Variants in DSCAM observed in about 807,000 individuals in gnomAD.
DSCAM encodes the protein cell adhesion molecule DSCAM.
A neutral mutation model predicts 217.7 loss-of-function variants in DSCAM; 47 were observed. The observed-to-expected ratio is 0.22, with a 90% CI of 0.17 to 0.28. The LOEUF is 0.28. Among genes scored for constraint, DSCAM ranks in the 10% least tolerant of loss-of-function variants. The probability of loss-of-function intolerance (pLI) is 1.00; values close to 1 mark genes in which losing one functional copy is unlikely to be tolerated. For synonymous variants in DSCAM, 1,056 were observed against 1,015.3 expected (o/e 1.04, Z -0.76); for missense variants, 2,080 against 2,618.3 (o/e 0.79, Z 4.49).
rs374440784 is a variant in DSCAM at position 40,033,327 on chromosome 21, G to A, written c.5686+9044C>T. On this transcript the variant is annotated intron_variant, in intron 32 of 32. Transcript: ENST00000400454. Reference sequence around the variant, plus strand: ...AGGTCAGTGGGTGTGCACACCATGCGCGAGCCGAAGCAGGGCGAGGCATTG... The same window carrying A: ...AGGTCAGTGGGTGTGCACACCATGCACGAGCCGAAGCAGGGCGAGGCATTG... 3.2e-4 allele frequency among the ~76,000 whole-genome samples: 48 copies of A among 152,278 alleles called. No individual in the cohort carries two copies. In the East Asian group the frequency reaches 8.3e-3, roughly 26 times the overall value.
At chr21:40,344,516 G>T (rs1046762990) in intron 6 of DSCAM, among the ~76,000 whole-genome samples, 2 of 152,084 alleles carry the variant, frequency 1.3e-5, no homozygotes, top group Admixed American at 6.6e-5. Context: ...TTGTTGTTGG[G>T]TTTTTTGCTA....
intron 1 of DSCAM, among the ~76,000 whole-genome samples, chr21:40,784,127 CA>C (rs538496524): frequency 6.6e-6 from 1 of 151,118 alleles, no homozygotes; most frequent in African/African-American, 2.4e-5. Flanking sequence ...AGAGAATATA[CA>C]AAAACATGTG....
At chr21:40,433,081 G>T (rs8129283) in intron 3 of DSCAM, among the ~76,000 whole-genome samples, 3 of 151,850 alleles carry the variant, frequency 2.0e-5, no homozygotes, top group Admixed American at 6.6e-5. Flanking sequence ...AAAATGAGCC[G>T]GGCATGGTAG....
At chr21:40,612,910 T>C (rs2089335119) in intron 3 of DSCAM, among the ~76,000 whole-genome samples, 1 of 152,178 alleles carries the variant, frequency 6.6e-6, no homozygotes, top group Non-Finnish European at 1.5e-5. Context: ...TTCTCCTCCT[T>C]CATTTTTTCT....
chr21:40,110,073 T>A lies in DSCAM; in HGVS notation c.3696+14122A>T, dbSNP rs567537344. 5.3e-5 allele frequency among the ~76,000 whole-genome samples: 8 copies of A among 152,304 alleles called. No homozygotes were observed. The East Asian group carries it at 7.7e-4, about 15-fold the overall frequency. Reference sequence around the variant, plus strand: ...CTGACAGCTTTGAAGAGAGTAGTGGTTCCCCTAGCATGCAGCTGGAGATCT... The same window carrying A: ...CTGACAGCTTTGAAGAGAGTAGTGGATCCCCTAGCATGCAGCTGGAGATCT... On this transcript the variant is annotated intron_variant, in intron 20 of 32. Coordinates refer to ENST00000400454, the MANE Select transcript of DSCAM (RefSeq NM_001389.5).
chr21:40,740,158 A>G (rs2091110265), intron 1 of DSCAM, among the ~76,000 whole-genome samples: 1 of 152,030 alleles, frequency 6.6e-6, no homozygotes, highest in Non-Finnish European at 1.5e-5. Context: ...AATAAAATGT[A>G]CAACTCCTTT....
chr21:40,345,826 A>AG (rs1491236654), intron 6 of DSCAM, among the ~76,000 whole-genome samples: 1 of 149,928 alleles, frequency 6.7e-6, no homozygotes, highest in Admixed American at 6.7e-5. Context: ...CAGAAGAGAG[A>AG]AAAAAAAAAG....
intron 4 of DSCAM, among the ~76,000 whole-genome samples, chr21:40,354,919 T>C (rs2074675389): frequency 6.6e-6 from 1 of 151,860 alleles, no homozygotes; most frequent in Admixed American, 6.6e-5. Flanking sequence ...TAAAATTTAT[T>C]GCACAAAAGA....
intron 20 of DSCAM, among the ~76,000 whole-genome samples, chr21:40,104,396 T>C (rs954225139): frequency 6.6e-6 from 1 of 152,176 alleles, no homozygotes; most frequent in African/African-American, 2.4e-5. Flanking sequence ...TAAAGCCAAT[T>C]TATTTCCTTA....
intron 10 of DSCAM, among the ~76,000 whole-genome samples, chr21:40,280,858 A>G (rs976573790): frequency 1.3e-5 from 2 of 152,152 alleles, no homozygotes; most frequent in Non-Finnish European, 2.9e-5. Context: ...ACTCTGGGGA[A>G]TTCCAGCTAC....
chr21:40,747,074 A>C (rs2091182197), intron 1 of DSCAM, among the ~76,000 whole-genome samples: 1 of 151,906 alleles, frequency 6.6e-6, no homozygotes, highest in Non-Finnish European at 1.5e-5. Flanking sequence ...CAGTTCTAAG[A>C]GGGAATTTTA....
chr21:40,032,329 T>G (rs747253439), intron 32 of DSCAM, among the ~76,000 whole-genome samples: 2 of 152,136 alleles, frequency 1.3e-5, no homozygotes, highest in Non-Finnish European at 1.5e-5. Flanking sequence ...TCAGATCTAC[T>G]TTATTTGAGA....
intron 1 of DSCAM, among the ~76,000 whole-genome samples, chr21:40,780,316 C>A (rs2091527992): frequency 6.6e-6 from 1 of 151,596 alleles, no homozygotes; most frequent in Admixed American, 6.6e-5. Flanking sequence ...TCTTGGCCAC[C>A]TAAACTTTGT....
chr21:40,564,880 A>G (rs1322293424), intron 3 of DSCAM, among the ~76,000 whole-genome samples: 1 of 144,180 alleles, frequency 6.9e-6, no homozygotes, highest in African/African-American at 2.5e-5. Flanking sequence ...CTGGTGTGCC[A>G]GCAAGGTGTG....
intron 11 of DSCAM, among the ~76,000 whole-genome samples, chr21:40,190,147 C>G (rs1184510081): frequency 6.6e-6 from 1 of 152,120 alleles, no homozygotes; most frequent in Non-Finnish European, 1.5e-5. Flanking sequence ...AAAGGGAACC[C>G]TTTATTTGTG....
At chr21:40,101,178 T>G (rs1362892295) in intron 20 of DSCAM, among the ~76,000 whole-genome samples, 2 of 152,194 alleles carry the variant, frequency 1.3e-5, no homozygotes, top group African/African-American at 2.4e-5. Context: ...GGTTGCCAAT[T>G]ATTTTGCATC....
chr21:40,499,304 T>C (rs1014451320), intron 3 of DSCAM, among the ~76,000 whole-genome samples: 2 of 152,214 alleles, frequency 1.3e-5, no homozygotes, highest in Non-Finnish European at 2.9e-5. Flanking sequence ...CAAGTGATCC[T>C]AGCCACAAGA....
chr21:40,691,830 A>G (rs753519958), intron 3 of DSCAM, among the ~76,000 whole-genome samples: 25 of 152,188 alleles, frequency 1.6e-4, no homozygotes, highest in Non-Finnish European at 3.1e-4. Flanking sequence ...TGGATCTTTT[A>G]AATGCCTCTG....
intron 8 of DSCAM, 146 bp from the exon 9 acceptor site, chr21:40,312,505 G>C: frequency 1.1e-6 from 1 of 925,444 alleles, no homozygotes; most frequent in African/African-American, 1.7e-5. Flanking sequence ...TTGAAATTCT[G>C]CTTCTATTAT....
Sources: gnomAD v4.1 joint callset for allele counts (sites outside exome capture counted in the v4.1 genomes callset) on GRCh38, gnomAD v4.1.1 for gene constraint, MANE v1.5 for transcripts, NCBI Gene and HGNC (gene_info 2026-07-23, HGNC 2026-07-21) for gene names.